The following IMMT variants were observed in gnomAD, a reference collection of about 807,000 sequenced individuals.
IMMT encodes the protein inner membrane mitochondrial protein.
Under a neutral mutation model 92.7 loss-of-function variants are expected in IMMT, and 40 were observed. The observed-to-expected ratio is 0.43, with a 90% CI of 0.34 to 0.56. IMMT has a LOEUF of 0.56. Ranked by LOEUF, IMMT falls within the 20% of genes least tolerant of loss-of-function variation. The probability of loss-of-function intolerance (pLI) is 0.03; values close to 1 mark genes in which losing one functional copy is unlikely to be tolerated. For missense variants in IMMT, 831 were observed against 912.1 expected (o/e 0.91, Z 1.14); for synonymous variants, 322 against 336.1 (o/e 0.96, Z 0.46).
At chr2:86,154,157 C>A (rs1186923523) in intron 10 of IMMT, among the ~76,000 whole-genome samples, 1 of 150,270 alleles carries the variant, frequency 6.7e-6, no homozygotes, top group South Asian at 2.1e-4. Flanking sequence ...AGCCACTGCA[C>A]CCAGCAACCT....
At chr2:86,167,318 CATA>C (rs1390704200) in intron 6 of IMMT, among the ~76,000 whole-genome samples, 53 of 148,682 alleles carry the variant, frequency 3.6e-4, no homozygotes, top group Non-Finnish European at 5.1e-4. Flanking sequence ...ACTACAGGTG[CATA>C]CCACCACGCC....
chr2:86,183,712 T>G (rs779076238), intron 1 of IMMT, among the ~76,000 whole-genome samples: 5 of 152,192 alleles, frequency 3.3e-5, no homozygotes, highest in African/African-American at 4.8e-5. Context: ...TTATGTATAT[T>G]TATTCAAATG....
chr2:86,146,614 C>T (rs1267565520), intron 13 of IMMT, among the ~76,000 whole-genome samples: 2 of 152,144 alleles, frequency 1.3e-5, no homozygotes, highest in Admixed American at 6.5e-5. Flanking sequence ...CCGCCCACCT[C>T]GGCCTCCCAA....
chr2:86,173,881 T>C, intron 3 of IMMT, 120 bp from the exon 4 acceptor site: 1 of 592,590 alleles, frequency 1.7e-6, no homozygotes, highest in Non-Finnish European at 3.0e-6. Context: ...TATCAACACT[T>C]TGTAACATAT....
intron 4 of IMMT, among the ~76,000 whole-genome samples, chr2:86,172,685 T>G (rs1442901861): frequency 6.6e-6 from 1 of 152,138 alleles, no homozygotes. Flanking sequence ...AACTTTTTGC[T>G]CCCTCTCTGA....
chr2:86,156,067 G>T (rs995874719), intron 10 of IMMT, among the ~76,000 whole-genome samples: 1 of 152,138 alleles, frequency 6.6e-6, no homozygotes, highest in Non-Finnish European at 1.5e-5. Flanking sequence ...CCTTTCTTTA[G>T]CACAGGCTTC....
chr2:86,168,377 C>G (rs780003080), intron 6 of IMMT, among the ~76,000 whole-genome samples: 1 of 152,162 alleles, frequency 6.6e-6, no homozygotes, highest in African/African-American at 2.4e-5. Flanking sequence ...AATCCCAGCA[C>G]TTTGGGAGGC....
chr2:86,146,283 GAA>G, intron 13 of IMMT, 86 bp from the exon 14 acceptor site: 3 of 1,194,148 alleles, frequency 2.5e-6, no homozygotes, highest in Non-Finnish European at 3.5e-6. Context: ...ACTACTTGCT[GAA>G]GCAAAGAGGG....
intron 11 of IMMT, among the ~76,000 whole-genome samples, chr2:86,151,813 C>T (rs1268757818): frequency 1.3e-5 from 2 of 152,112 alleles, no homozygotes; most frequent in South Asian, 2.1e-4. Flanking sequence ...TGTAACTTTG[C>T]CTTTAAAGAC....
chr2:86,147,827 C>T lies in IMMT; in HGVS notation c.1408G>A (p.Glu470Lys). 6.2e-7 allele frequency: 1 copy of T among 1,613,586 alleles called. No homozygotes were observed. Among genetic ancestry groups the T allele is most frequent in the Non-Finnish European group, 8.5e-7 (1 of 1,179,786 alleles). Residue 470 changes from glutamate (E) to lysine (K), a missense_variant, in exon 13 of 15, where the codon GAA (glutamate) becomes AAA (lysine). Transcript: ENST00000410111. ...IQAEQDRKIEEVRDAMENEMR... is the reference protein window; with the variant it reads ...IQAEQDRKIEKVRDAMENEMR... Reference sequence around the variant, plus strand: ...TCATTTTCCATGGCATCTCTGACTTCTTCTATCTGTGAAACCAAACATAGT... The same window carrying T: ...TCATTTTCCATGGCATCTCTGACTTTTTCTATCTGTGAAACCAAACATAGT...
intron 12 of IMMT, 42 bp downstream of exon 12, chr2:86,151,253 TAG>T: frequency 4.1e-6 from 6 of 1,452,476 alleles, no homozygotes; most frequent in Non-Finnish European, 5.8e-6. Context: ...ACAATCAAGT[TAG>T]AGTCACTTTA....
chr2:86,189,662 T>G (rs996983216), intron 1 of IMMT, among the ~76,000 whole-genome samples: 1 of 152,222 alleles, frequency 6.6e-6, no homozygotes, highest in Non-Finnish European at 1.5e-5. Flanking sequence ...TGCTGTCAAC[T>G]GATAACGTTT....
intron 4 of IMMT, 57 bp downstream of exon 4, chr2:86,173,593 A>AAT: frequency 4.1e-6 from 4 of 977,454 alleles, no homozygotes; most frequent in Non-Finnish European, 6.3e-6. Context: ...AAAAAAAAAA[A>AAT]GAATTGGTGA....
At chr2:86,169,901 CAAAA>C (rs1278395198) in intron 6 of IMMT, among the ~76,000 whole-genome samples, 3 of 151,460 alleles carry the variant, frequency 2.0e-5, no homozygotes, top group African/African-American at 7.3e-5. Flanking sequence ...AACAAACAAA[CAAAA>C]AAACCATAAA....
At chr2:86,186,269 AGTGGGAGGGATGTGCAT>A (rs1182153145) in intron 1 of IMMT, among the ~76,000 whole-genome samples, 1 of 152,108 alleles carries the variant, frequency 6.6e-6, no homozygotes, top group Non-Finnish European at 1.5e-5. Flanking sequence ...GAAGGTTGTG[AGTGGGAGGGATGTGCAT>A]GTGGGAGGGA....
chr2:86,152,094 G>GT lies in IMMT; in HGVS notation c.1178-575dup, dbSNP rs1007123632. ...CTCATCTAGGCTTAAACCAATGTTT[G>GT]TTTTTTTTTAAAATCTCAATCCAAA... On this transcript the variant is annotated intron_variant, in intron 11 of 14. Coordinates refer to ENST00000410111, the MANE Select transcript of IMMT (RefSeq NM_006839.3). Among the ~76,000 whole-genome samples the GT allele has an allele frequency of 6.6e-5, 10 of 151,514 alleles. No homozygotes were observed. The South Asian group carries it at 8.4e-4, about 13-fold the overall frequency.
chr2:86,173,375 G>C (rs1677229624), intron 4 of IMMT: 1 of 339,748 alleles, frequency 2.9e-6, no homozygotes, highest in Non-Finnish European at 5.5e-6. Flanking sequence ...GAGAGCGGGA[G>C]TTTGAGACCA....
At chr2:86,157,407 T>C (rs1675926993) in intron 10 of IMMT, among the ~76,000 whole-genome samples, 2 of 152,198 alleles carry the variant, frequency 1.3e-5, no homozygotes, top group Admixed American at 6.5e-5. Context: ...AGACCAGCTG[T>C]GGTTCTGTGA....
Position 86,151,432 on chromosome 2 carries a change from C to G in IMMT, c.1266G>C (p.Gln422His), listed in dbSNP as rs527974000. The change falls in exon 12 of 15, where the codon CAG (glutamine) becomes CAC (histidine). Residue 422 changes from glutamine (Q) to histidine (H), a missense_variant. By Grantham distance (24) the Gln-to-His change is conservative. Transcript: ENST00000410111. ...TGATGTGCTGCTTTTCGGTGGCCTT[C>G]TGTTCTGCCAGCTCTCTGTTCAGCT... ...IDQLNRELAE[Q>H]KATEKQHITL... The G allele has an allele frequency of 8.7e-6, 14 of 1,613,984 alleles. No homozygotes were observed. Among genetic ancestry groups the G allele is most frequent in the Non-Finnish European group, 1.2e-5 (14 of 1,179,892 alleles).
Sources: gnomAD v4.1 joint callset for allele counts (sites outside exome capture counted in the v4.1 genomes callset) on GRCh38, gnomAD v4.1.1 for gene constraint, MANE v1.5 for transcripts, NCBI Gene and HGNC (gene_info 2026-07-23, HGNC 2026-07-21) for gene names.